The following ADGRV1 variants were observed in gnomAD, a reference collection of about 807,000 sequenced individuals.
ADGRV1 encodes the protein G-protein coupled receptor 98.
A neutral mutation model predicts 596.2 loss-of-function variants in ADGRV1; 359 were observed. The observed-to-expected ratio is 0.60, with a 90% confidence interval of 0.55 to 0.66. The LOEUF (loss-of-function observed/expected upper bound fraction) is 0.66, where lower values mean the gene tolerates loss of function less well. Among genes scored for constraint, ADGRV1 ranks in the 30% least tolerant of loss-of-function variants. The pLI is 0.00. For missense variants in ADGRV1, 7,274 were observed against 7,575.6 expected (o/e 0.96, Z 1.48); for synonymous variants, 2,681 against 2,679.2 (o/e 1.00, Z -0.02).
At chr5:90,614,172 A>G in intron 1 of ADGRV1, 1 of 353,168 alleles carries the variant, frequency 2.8e-6, no homozygotes, top group Non-Finnish European at 5.3e-6. Flanking sequence ...AAAAAAAAAA[A>G]GAAAGTTGTC....
At chr5:90,663,389 T>G (rs1229516294) in intron 21 of ADGRV1, among the ~76,000 whole-genome samples, 1 of 151,496 alleles carries the variant, frequency 6.6e-6, no homozygotes, top group Non-Finnish European at 1.5e-5. Context: ...TTCATGTGTT[T>G]TTTGGCTGCA....
intron 87 of ADGRV1, among the ~76,000 whole-genome samples, chr5:91,115,475 T>G (rs1168983150): frequency 2.0e-5 from 3 of 152,210 alleles, no homozygotes; most frequent in Non-Finnish European, 4.4e-5. Flanking sequence ...TGCAACATCT[T>G]ATGGTCAGCT....
At chr5:91,012,709 T>C (rs1290119333) in intron 85 of ADGRV1, among the ~76,000 whole-genome samples, 2 of 152,012 alleles carry the variant, frequency 1.3e-5, no homozygotes, top group Non-Finnish European at 1.5e-5. Flanking sequence ...TACATAATTA[T>C]ATATATGTTT....
At chr5:90,674,334 A>G (rs1178019451) in intron 23 of ADGRV1, 100 bp downstream of exon 23, 1 of 770,666 alleles carries the variant, frequency 1.3e-6, no homozygotes, top group Admixed American at 3.4e-5. Flanking sequence ...CGGAAGTAGA[A>G]TGCCTTCAGA....
intron 41 of ADGRV1, among the ~76,000 whole-genome samples, chr5:90,711,829 T>G (rs903342747): frequency 6.6e-6 from 1 of 152,198 alleles, no homozygotes; most frequent in African/African-American, 2.4e-5. Flanking sequence ...CAGGTTGGAG[T>G]GCAGTGGTGC....
intron 85 of ADGRV1, among the ~76,000 whole-genome samples, chr5:91,039,322 G>A (rs187241710): frequency 1.3e-5 from 2 of 152,146 alleles, no homozygotes; most frequent in African/African-American, 4.8e-5. Flanking sequence ...CTTCGTTATC[G>A]GTTAGGCTTT....
intron 78 of ADGRV1, among the ~76,000 whole-genome samples, chr5:90,845,037 G>A (rs1055748786): frequency 1.3e-4 from 20 of 152,010 alleles, no homozygotes; most frequent in African/African-American, 4.8e-4. Context: ...GTATTTTACT[G>A]GCTGGTTTTG....
In ADGRV1 at chr5:90,652,492, T is replaced by C. The variant is rs368562997; in HGVS notation, c.3563T>C (p.Ile1188Thr). The C allele has an allele frequency of 1.2e-5, 19 of 1,613,330 alleles. No homozygotes were observed. Among genetic ancestry groups the C allele is most frequent in the Middle Eastern group, 3.3e-4 (2 of 6,082 alleles). Reference protein sequence around the residue: ...FMDGEEAKPIILHAFPDKIPE... With the variant: ...FMDGEEAKPITLHAFPDKIPE... ...GATGGAGAAGAAGCAAAACCAATCA[T>C]TCTCCATGCTTTTCCAGATAAAATT... The change falls in exon 19 of 90, where the codon ATT becomes ACT. Residue 1188 changes from isoleucine (I) to threonine (T), a missense_variant. Ile to Thr is a moderately conservative substitution (Grantham distance 89, BLOSUM62 -1). Transcript: ENST00000405460.
At chr5:90,755,289 T>C in intron 55 of ADGRV1, 104 bp downstream of exon 55, 1 of 703,978 alleles carries the variant, frequency 1.4e-6, no homozygotes, top group Non-Finnish European at 2.3e-6. Context: ...ATAAAAGGAT[T>C]CTTTTAAACA....
chr5:90,745,898 A>G, intron 52 of ADGRV1, 103 bp downstream of exon 52: 4 of 682,830 alleles, frequency 5.9e-6, no homozygotes, highest in Non-Finnish European at 1.0e-5. Flanking sequence ...TTTGAGTGTC[A>G]TCAGCCTCTC....
intron 1 of ADGRV1, among the ~76,000 whole-genome samples, chr5:90,570,167 G>A (rs902487311): frequency 1.2e-4 from 19 of 152,050 alleles, no homozygotes; most frequent in Non-Finnish European, 2.1e-4. Flanking sequence ...GTTTATCCAG[G>A]AAAGTCTTAA....
chr5:90,854,100 C>A lies in ADGRV1; in HGVS notation c.17493C>A (p.Leu5831=). 1 of 1,583,978 alleles carries A rather than the reference C, an allele frequency of 6.3e-7. No individual in the cohort carries two copies. The highest frequency in any genetic ancestry group is 8.6e-7 in the Non-Finnish European group (1 of 1,161,212). ...GTGTGAAAGGTCAGAGTTCACAACT[C>A]CTGACTAATGACAATGAGGTTCTCT... is the stretch of plus-strand genomic sequence containing the variant. ...SLSVKGQSSQ[L]LTNDNEVLYR... The change falls in exon 81 of 90, where the codon CTC becomes CTA. Residue 5831 remains leucine, a synonymous_variant. Transcript: ENST00000405460.
intron 70 of ADGRV1, among the ~76,000 whole-genome samples, chr5:90,797,128 C>T (rs1760812212): frequency 6.6e-6 from 1 of 151,922 alleles, no homozygotes; most frequent in Non-Finnish European, 1.5e-5. Flanking sequence ...ACAATATTAA[C>T]ATTAAATGTA....
At chr5:90,635,902 CTTT>C in intron 10 of ADGRV1, among the ~76,000 whole-genome samples, 1 of 141,800 alleles carries the variant, frequency 7.1e-6, no homozygotes. Flanking sequence ...GCCTATAAAC[CTTT>C]TTTTTTTTTT....
At chr5:90,744,234 G>GAA (rs770718355) in intron 50 of ADGRV1, among the ~76,000 whole-genome samples, 1 of 151,238 alleles carries the variant, frequency 6.6e-6, no homozygotes, top group East Asian at 2.0e-4. Flanking sequence ...TTCCTGCTTT[G>GAA]GCCTCCCAAA....
chr5:91,075,259 G>T (rs1024730043), intron 86 of ADGRV1, among the ~76,000 whole-genome samples: 5 of 151,992 alleles, frequency 3.3e-5, no homozygotes, highest in Admixed American at 6.5e-5. Context: ...ACATTCTTTT[G>T]GGGGGAGAAT....
At chr5:90,879,086 G>T (rs1409716756) in intron 83 of ADGRV1, among the ~76,000 whole-genome samples, 2 of 152,166 alleles carry the variant, frequency 1.3e-5, no homozygotes, top group African/African-American at 4.8e-5. Context: ...TTTTGTTCCA[G>T]TTCTTCCAGT....
intron 89 of ADGRV1, among the ~76,000 whole-genome samples, chr5:91,162,950 C>G (rs2126972045): frequency 6.6e-6 from 1 of 152,276 alleles, no homozygotes; most frequent in Non-Finnish European, 1.5e-5. Context: ...TCATCCAGCA[C>G]ACCCTATGAC....
At chr5:91,015,083 T>C (rs1783065680) in intron 85 of ADGRV1, among the ~76,000 whole-genome samples, 1 of 152,106 alleles carries the variant, frequency 6.6e-6, no homozygotes, top group Admixed American at 6.6e-5. Context: ...TTTGTATCTT[T>C]GTTCTCGTTA....
Sources: allele counts gnomAD v4.1 joint callset (sites outside exome capture counted in the v4.1 genomes callset), GRCh38; gene constraint gnomAD v4.1.1; transcripts MANE v1.5; gene names NCBI Gene and HGNC (gene_info 2026-07-23, HGNC 2026-07-21).